Variants in SPATA13 observed in about 807,000 individuals in gnomAD.
SPATA13 encodes spermatogenesis-associated protein 13.
SPATA13 carries 50 observed loss-of-function variants against 104.0 expected under a neutral mutation model. The ratio of observed to expected loss-of-function variants is 0.48; its 90% confidence interval spans 0.38 to 0.61. The LOEUF (loss-of-function observed/expected upper bound fraction) is 0.61. SPATA13 is among the 20% of genes least tolerant of loss of function. The pLI, the probability that SPATA13 is intolerant of heterozygous loss-of-function variation, is 0.00. For synonymous variants in SPATA13, 606 were observed against 667.5 expected (o/e 0.91, Z 1.42); for missense variants, 1,524 against 1,690.6 (o/e 0.90, Z 1.73).
At chr13:24,073,279 A>C (rs1385677718) in intron 3 of SPATA13, among the ~76,000 whole-genome samples, 4 of 152,230 alleles carry the variant, frequency 2.6e-5, no homozygotes, top group Non-Finnish European at 4.4e-5. Flanking sequence ...CCACTACCCC[A>C]AGATAGAACT....
At chr13:24,271,347 AT>A (rs1315867592) in intron 4 of SPATA13, among the ~76,000 whole-genome samples, 1 of 152,028 alleles carries the variant, frequency 6.6e-6, no homozygotes, top group Non-Finnish European at 1.5e-5. Context: ...TATTCAATAG[AT>A]TATTGGTGGT....
chr13:24,150,146 G>A (rs79731860), intron 3 of SPATA13, among the ~76,000 whole-genome samples: 6,247 of 152,140 alleles, frequency 0.041, 307 homozygotes, highest in African/African-American at 0.11. Context: ...TTAGAACATG[G>A]TGGGCCAGAC....
intron 1 of SPATA13, among the ~76,000 whole-genome samples, chr13:24,172,991 G>T (rs148414688): frequency 3.3e-5 from 5 of 152,144 alleles, no homozygotes; most frequent in African/African-American, 1.2e-4. Flanking sequence ...AGCATTGTAC[G>T]GCTTTCAGCA....
intron 1 of SPATA13, among the ~76,000 whole-genome samples, chr13:24,167,943 A>G (rs1882813988): frequency 6.6e-6 from 1 of 152,140 alleles, no homozygotes; most frequent in Non-Finnish European, 1.5e-5. Flanking sequence ...TGGAGACATA[A>G]ACATGTTTCT....
upstream of SPATA13, among the ~76,000 whole-genome samples, chr13:24,157,366 G>A (rs370780327): frequency 6.6e-6 from 1 of 152,020 alleles, no homozygotes; most frequent in Non-Finnish European, 1.5e-5. Context: ...GGGCGCGATC[G>A]CGGCTCACTG....
chr13:24,101,497 C>A (rs60692760), intron 3 of SPATA13, among the ~76,000 whole-genome samples: 9 of 63,814 alleles, frequency 1.4e-4, no homozygotes, highest in Non-Finnish European at 2.1e-4. Context: ...TGAAAAAAAA[C>A]AACACATAAA....
In SPATA13 at chr13:24,175,451, A is replaced by G. The variant is rs992248244; in HGVS notation, c.-112+14519A>G. 4.6e-5 allele frequency among the ~76,000 whole-genome samples: 7 copies of G among 152,298 alleles called. No individual in the cohort carries two copies. In the East Asian group the frequency reaches 1.4e-3, roughly 29 times the overall value. On this transcript the variant is annotated intron_variant, in intron 1 of 12. Coordinates refer to ENST00000382108, the MANE Select transcript of SPATA13 (RefSeq NM_001166271.3). ...TTAGGTACCAAAGAGGGGCCATTTC[A>G]TCGCACCATTGTTTTAGAATTAGAA...
intron 2 of SPATA13, among the ~76,000 whole-genome samples, chr13:24,228,526 C>G (rs1872083268): frequency 6.6e-6 from 1 of 152,126 alleles, no homozygotes; most frequent in East Asian, 1.9e-4. Context: ...TAGAGAAGTG[C>G]TTGTGAAGTA....
intron 1 of SPATA13, among the ~76,000 whole-genome samples, chr13:24,194,558 T>C (rs955475743): frequency 1.3e-5 from 2 of 152,192 alleles, no homozygotes; most frequent in African/African-American, 4.8e-5. Context: ...TCTGAATCCG[T>C]AACAGTTTGA....
At chr13:24,039,744 G>A (rs537792977) in intron 3 of SPATA13, among the ~76,000 whole-genome samples, 28 of 152,286 alleles carry the variant, frequency 1.8e-4, no homozygotes, top group Middle Eastern at 3.4e-3. Flanking sequence ...TGTGACTGGG[G>A]TTGGGGGAAT....
Position 24,282,343 on chromosome 13 carries a change from A to G in SPATA13, c.2165-1792A>G, listed in dbSNP as rs1259977774. 2.0e-5 allele frequency among the ~76,000 whole-genome samples: 3 copies of G among 152,364 alleles called. No individual in the cohort carries two copies. In the South Asian group the frequency reaches 6.2e-4, roughly 32 times the overall value. ...CCCATCCTTTTCTAGTCAAGTAACT[A>G]GAAACGTGGATTTGCCAAGTCCTTG... On this transcript the variant is annotated intron_variant, in intron 4 of 12. Coordinates refer to ENST00000382108, the MANE Select transcript of SPATA13 (RefSeq NM_001166271.3).
intron 2 of SPATA13, among the ~76,000 whole-genome samples, chr13:24,247,477 A>ATTTTTTTTTT (rs1342062317): frequency 2.8e-4 from 8 of 28,954 alleles, no homozygotes; most frequent in South Asian, 1.7e-3. Flanking sequence ...CTCCACATTC[A>ATTTTTTTTTT]CTTTTTTTTT....
chr13:24,306,544 T>G lies in SPATA13; in HGVS notation c.*3771T>G, dbSNP rs977256990. 9.2e-5 allele frequency: 14 copies of G among 152,242 alleles called. No individual in the cohort carries two copies. The highest frequency in any genetic ancestry group is 3.4e-4 in the African/African-American group (14 of 41,452). The allele number at this position is 152,242 out of a possible 1,614,324, so 9.4% of individuals were successfully genotyped here. ...TTCCCATAATAACCTAATCTGCAAATTGTTCTATTAAAGTCTCATTGTTTT... is the reference window on the plus strand; with the variant it reads ...TTCCCATAATAACCTAATCTGCAAAGTGTTCTATTAAAGTCTCATTGTTTT... On this transcript the variant is annotated 3_prime_UTR_variant, in exon 13 of 13. Transcript: ENST00000382108.
At chr13:23,989,199 G>A (rs1227208182) in intron 2 of SPATA13, among the ~76,000 whole-genome samples, 1 of 152,100 alleles carries the variant, frequency 6.6e-6, no homozygotes, top group Admixed American at 6.6e-5. Flanking sequence ...CGAGGCAGGT[G>A]GATCATGAGG....
intron 4 of SPATA13, chr13:24,272,859 G>A (rs907096576): frequency 1.3e-5 from 2 of 152,330 alleles, no homozygotes; most frequent in African/African-American, 2.4e-5. Flanking sequence ...TTATTCCAGC[G>A]CTGAGCGCAG....
intron 3 of SPATA13, among the ~76,000 whole-genome samples, chr13:24,130,046 C>T (rs1163155912): frequency 6.6e-6 from 1 of 152,186 alleles, no homozygotes; most frequent in African/African-American, 2.4e-5. Flanking sequence ...TCCACACAGC[C>T]CTTTCCTTCA....
chr13:24,164,258 T>G (rs1178248690), intron 1 of SPATA13, among the ~76,000 whole-genome samples: 1 of 152,178 alleles, frequency 6.6e-6, no homozygotes, highest in African/African-American at 2.4e-5. Context: ...ATAGAGTAGG[T>G]TGCTGTTTTT....
chr13:24,063,279 G>A (rs913353610), intron 3 of SPATA13, among the ~76,000 whole-genome samples: 1 of 152,206 alleles, frequency 6.6e-6, no homozygotes, highest in Non-Finnish European at 1.5e-5. Context: ...TAGGAGGAGT[G>A]AAGGATATCT....
intron 3 of SPATA13, among the ~76,000 whole-genome samples, chr13:24,044,522 C>T (rs1878060434): frequency 6.6e-6 from 1 of 152,168 alleles, no homozygotes; most frequent in Admixed American, 6.5e-5. Flanking sequence ...TTAGCCACTG[C>T]TCCTGTCCTG....
Sources: allele counts gnomAD v4.1 joint callset (sites outside exome capture counted in the v4.1 genomes callset), GRCh38; gene constraint gnomAD v4.1.1; transcripts MANE v1.5; gene names NCBI Gene and HGNC (gene_info 2026-07-23, HGNC 2026-07-21).